Variants in GRIN2B observed in about 807,000 individuals in gnomAD.
The protein encoded by GRIN2B is glutamate ionotropic receptor NMDA type subunit 2B.
A neutral mutation model predicts 114.5 loss-of-function variants in GRIN2B; 5 were observed. The ratio of observed to expected loss-of-function variants is 0.04; its 90% CI spans 0.02 to 0.09. The LOEUF is 0.09. Ranked by LOEUF, GRIN2B falls within the 10% of genes least tolerant of loss-of-function variation. The pLI is 1.00. For synonymous variants in GRIN2B, 787 were observed against 745.1 expected (o/e 1.06, Z -0.92); for missense variants, 1,108 against 1,943.5 (o/e 0.57, Z 8.08).
At chr12:13,809,088 G>T (rs1163714567) in intron 3 of GRIN2B, among the ~76,000 whole-genome samples, 6 of 152,110 alleles carry the variant, frequency 3.9e-5, no homozygotes, top group Admixed American at 3.9e-4. Context: ...CCTGTGCATT[G>T]TAAGATGTTG....
At chr12:13,868,417 CAGA>C (rs1310576840) in intron 2 of GRIN2B, among the ~76,000 whole-genome samples, 1 of 151,722 alleles carries the variant, frequency 6.6e-6, no homozygotes, top group Middle Eastern at 3.2e-3. Context: ...CAGAGGAAGA[CAGA>C]AGGAGTTTGA....
intron 3 of GRIN2B, among the ~76,000 whole-genome samples, chr12:13,801,051 G>A (rs552241483): frequency 1.1e-3 from 168 of 152,116 alleles, no homozygotes; most frequent in Non-Finnish European, 2.1e-3. Context: ...CTAATACGCC[G>A]GAGATTTATA....
chr12:13,563,488 G>C lies in GRIN2B; in HGVS notation c.3750C>G (p.Asn1250Lys). 1 of 1,614,182 alleles carries C rather than the reference G, an allele frequency of 6.2e-7. No homozygotes were observed. Among genetic ancestry groups the C allele is most frequent in the Non-Finnish European group, 8.5e-7 (1 of 1,180,044 alleles). Residue 1250 changes from asparagine to lysine, a missense_variant, in exon 14 of 14, where the codon AAC becomes AAG. Coordinates refer to ENST00000609686, the MANE Select transcript of GRIN2B (RefSeq NM_000834.5). ...IRCEACKKAG[N>K]LYDISEDNSL... Reference sequence around the variant, plus strand: ...AGTTGTCCTCACTGATGTCATACAGGTTGCCTGCTTTCTTGCAAGCCTCAC... The same window carrying C: ...AGTTGTCCTCACTGATGTCATACAGCTTGCCTGCTTTCTTGCAAGCCTCAC...
At chr12:13,713,527 A>G (rs990736951) in intron 4 of GRIN2B, among the ~76,000 whole-genome samples, 2 of 151,936 alleles carry the variant, frequency 1.3e-5, no homozygotes, top group African/African-American at 4.8e-5. Context: ...CCCATAAAAG[A>G]GCAGCCATGA....
chr12:13,642,694 C>A (rs571009313), intron 5 of GRIN2B, among the ~76,000 whole-genome samples: 1 of 152,240 alleles, frequency 6.6e-6, no homozygotes, highest in East Asian at 1.9e-4. Context: ...CTTCTCCGTG[C>A]GTGCTCAAAT....
chr12:13,782,607 TC>T (rs1864138994), intron 3 of GRIN2B, among the ~76,000 whole-genome samples: 1 of 152,222 alleles, frequency 6.6e-6, no homozygotes, highest in South Asian at 2.1e-4. Flanking sequence ...AACATGGTTC[TC>T]CTTCTGACAG....
At chr12:13,812,070 G>T (rs913631144) in intron 3 of GRIN2B, among the ~76,000 whole-genome samples, 13 of 152,194 alleles carry the variant, frequency 8.5e-5, no homozygotes, top group Admixed American at 8.5e-4. Flanking sequence ...AAGAAAAAAA[G>T]TAATATATTC....
chr12:13,594,365 T>A (rs1016388463), intron 10 of GRIN2B, among the ~76,000 whole-genome samples: 1 of 152,172 alleles, frequency 6.6e-6, no homozygotes, highest in Non-Finnish European at 1.5e-5. Context: ...TCAGTTCATG[T>A]CCTTTGCAGG....
intron 2 of GRIN2B, among the ~76,000 whole-genome samples, chr12:13,932,838 C>T (rs148043000): frequency 5.4e-4 from 82 of 152,358 alleles, no homozygotes; most frequent in African/African-American, 1.9e-3. Context: ...AATTTCTACA[C>T]TGTTCTCTTC....
At chr12:13,892,813 G>A (rs1360605473) in intron 2 of GRIN2B, among the ~76,000 whole-genome samples, 2 of 152,166 alleles carry the variant, frequency 1.3e-5, no homozygotes, top group Non-Finnish European at 2.9e-5. Context: ...GAGAGTGAAG[G>A]TTATCTACTT....
chr12:13,730,381 C>T (rs1159267297), intron 4 of GRIN2B, among the ~76,000 whole-genome samples: 1 of 151,918 alleles, frequency 6.6e-6, no homozygotes, highest in Non-Finnish European at 1.5e-5. Flanking sequence ...ACCAAACAAG[C>T]TGACTGTGTT....
At chr12:13,758,629 T>C (rs954765467) in intron 3 of GRIN2B, among the ~76,000 whole-genome samples, 1 of 152,240 alleles carries the variant, frequency 6.6e-6, no homozygotes, top group African/African-American at 2.4e-5. Flanking sequence ...GATTATTATC[T>C]AACAGAGGGA....
intron 5 of GRIN2B, among the ~76,000 whole-genome samples, chr12:13,632,075 T>C (rs1460210510): frequency 6.6e-6 from 1 of 152,062 alleles, no homozygotes; most frequent in African/African-American, 2.4e-5. Flanking sequence ...CCCCAAACAA[T>C]AACCTTATTA....
chr12:13,580,749 A>G (rs1948836631), intron 10 of GRIN2B, among the ~76,000 whole-genome samples: 1 of 152,218 alleles, frequency 6.6e-6, no homozygotes, highest in Admixed American at 6.5e-5. Context: ...TTAACCAGGT[A>G]TGGAATCTTG....
intron 4 of GRIN2B, among the ~76,000 whole-genome samples, chr12:13,703,609 A>G (rs1950330790): frequency 6.6e-6 from 1 of 152,204 alleles, no homozygotes; most frequent in African/African-American, 2.4e-5. Flanking sequence ...ACAAATATGC[A>G]ATATATTTTT....
At chr12:13,707,865 A>T (rs901796819) in intron 4 of GRIN2B, among the ~76,000 whole-genome samples, 2 of 152,142 alleles carry the variant, frequency 1.3e-5, no homozygotes, top group African/African-American at 4.8e-5. Context: ...GTAACACGTA[A>T]AATATACAGC....
intron 2 of GRIN2B, among the ~76,000 whole-genome samples, chr12:13,914,616 C>A (rs1591618682): frequency 6.6e-6 from 1 of 152,190 alleles, no homozygotes; most frequent in East Asian, 1.9e-4. Context: ...GAGATGTCTG[C>A]ACTCCTGTAG....
At chr12:13,625,096 T>G (rs1949553592) in intron 5 of GRIN2B, among the ~76,000 whole-genome samples, 1 of 152,206 alleles carries the variant, frequency 6.6e-6, no homozygotes, top group Non-Finnish European at 1.5e-5. Context: ...GCACTTCTTG[T>G]GGAGGTCTAT....
chr12:13,615,049 T>C lies in GRIN2B; in HGVS notation c.1654+65A>G, dbSNP rs972300623. The C allele has an allele frequency of 1.4e-4, 196 of 1,445,744 alleles. No homozygotes were observed. The highest frequency in any genetic ancestry group is 1.7e-4 in the Middle Eastern group (1 of 5,764). The allele number at this position is 1,445,744 out of a possible 1,614,324, so 89.6% of individuals were successfully genotyped here. On this transcript the variant is annotated intron_variant, in intron 8 of 13. Transcript: ENST00000609686. This position sits in a 1 kb window ranked among gnomAD's most constrained non-coding sequence, Gnocchi z 5.8. ...TGGAACAGCCTGGCCATGTGCTCCT[T>C]TTTTCCTTATTTCACTTCCCCATCC...
Sources: allele counts gnomAD v4.1 joint callset (sites outside exome capture counted in the v4.1 genomes callset), GRCh38; gene constraint gnomAD v4.1.1; non-coding constraint Gnocchi (gnomAD v3.1); transcripts MANE v1.5; gene names NCBI Gene and HGNC (gene_info 2026-07-23, HGNC 2026-07-21).